The following USP9X variants were observed in gnomAD, a reference collection of about 807,000 sequenced individuals.
USP9X encodes ubiquitin specific peptidase 9 X-linked.
In USP9X, 7 loss-of-function variants were observed where a neutral mutation model predicts 190.3. The observed-to-expected ratio is 0.04, with a 90% CI of 0.02 to 0.07. USP9X has a LOEUF of 0.07. Among genes scored for constraint, USP9X ranks in the 10% least tolerant of loss-of-function variants. The probability of loss-of-function intolerance (pLI) is 1.00; values close to 1 mark genes in which losing one functional copy is unlikely to be tolerated. For missense variants in USP9X, 1,010 were observed against 1,916.9 expected, an observed-to-expected ratio of 0.53 and a Z score of 8.83; for synonymous variants, 645 against 659.5, an observed-to-expected ratio of 0.98 and a Z score of 0.34.
chrX:41,133,622 G>A (rs934917495), intron 4 of USP9X, among the ~76,000 whole-genome samples: 7 of 111,628 alleles, frequency 6.3e-5, no homozygotes, highest in African/African-American at 2.3e-4. Context: ...TAACCATCCC[G>A]CTATTCTTTA....
At chrX:41,124,419 G>A (rs904223128) in intron 2 of USP9X, among the ~76,000 whole-genome samples, 2 of 111,721 alleles carry the variant, frequency 1.8e-5, no homozygotes, top group African/African-American at 6.5e-5. Context: ...ACTCCAGCCT[G>A]GGTGACAGAG....
intron 14 of USP9X, among the ~76,000 whole-genome samples, chrX:41,159,965 A>G (rs754953864): frequency 8.4e-4 from 94 of 111,375 alleles, no homozygotes; most frequent in African/African-American, 3.0e-3. Context: ...TACTAAAAAA[A>G]TTGAATTGTA....
chrX:41,154,245 G>A (rs750301259), intron 14 of USP9X, among the ~76,000 whole-genome samples: 18 of 111,350 alleles, frequency 1.6e-4, no homozygotes, highest in African/African-American at 4.9e-4. Flanking sequence ...TCTAAGCAGT[G>A]TAATAGAATG....
intron 21 of USP9X, among the ~76,000 whole-genome samples, chrX:41,174,713 G>A (rs182029851): frequency 1.3e-3 from 148 of 111,636 alleles, no homozygotes; most frequent in African/African-American, 4.7e-3. Flanking sequence ...AAGTATTTTG[G>A]GCCAGGCACA....
chrX:41,145,048 A>G (rs2062453245), intron 11 of USP9X, among the ~76,000 whole-genome samples: 1 of 111,852 alleles, frequency 8.9e-6, no homozygotes, highest in Non-Finnish European at 1.9e-5. Context: ...CTACAGTCAT[A>G]TCTGCATTGA....
At chrX:41,169,507 T>C (rs1393956187) in intron 18 of USP9X, among the ~76,000 whole-genome samples, 2 of 111,140 alleles carry the variant, frequency 1.8e-5, no homozygotes, top group Non-Finnish European at 3.8e-5. Flanking sequence ...CAGGCTGGAG[T>C]GCAGTGGTGC....
intron 32 of USP9X, among the ~76,000 whole-genome samples, chrX:41,207,925 G>T (rs1238188464): frequency 1.8e-5 from 2 of 110,524 alleles, no homozygotes; most frequent in African/African-American, 3.3e-5. Flanking sequence ...GACTATTTCA[G>T]TTCTGTCTTC....
At chrX:41,175,186 C>G (rs965203596) in intron 21 of USP9X, among the ~76,000 whole-genome samples, 1 of 111,053 alleles carries the variant, frequency 9.0e-6, no homozygotes, top group African/African-American at 3.3e-5. Context: ...TTAATATGTT[C>G]CCATTATTCT....
chrX:41,147,453 T>G (rs866256312), intron 11 of USP9X, among the ~76,000 whole-genome samples: 8 of 68,807 alleles, frequency 1.2e-4, no homozygotes, highest in Admixed American at 8.8e-4. Flanking sequence ...AATCGTTGTT[T>G]TTTTTTTTTT....
chrX:41,161,180 G>A (rs2062626136), intron 14 of USP9X, among the ~76,000 whole-genome samples: 1 of 110,680 alleles, frequency 9.0e-6, no homozygotes, highest in Non-Finnish European at 1.9e-5. Context: ...AAGGGTAAAA[G>A]GACATATGTC....
At chrX:41,221,259 C>T (rs2147257884) in intron 38 of USP9X, among the ~76,000 whole-genome samples, 1 of 111,434 alleles carries the variant, frequency 9.0e-6, no homozygotes, top group East Asian at 2.8e-4. Context: ...GAGACTCCAT[C>T]TTAAAAAAAA....
In USP9X at chrX:41,189,315, G is replaced by A; in HGVS notation, c.3817G>A (p.Ala1273Thr). ...CTTGATTGTAATTTTACAGACCAAT[G>A]CAGGCAATGAGCCAGACTTGGAAGA... The part of the protein sequence containing the change: ...EITKIYEKTN[A>T]GNEPDLEDEQ... The change falls in exon 26 of 45, where the codon GCA becomes ACA. Residue 1273 changes from alanine (A) to threonine (T), a missense_variant. By Grantham distance (58) the Ala-to-Thr change is moderately conservative. This residue lies in a region of USP9X where 351 missense variants were observed against 480.8 expected (regional missense o/e 0.73). Transcript: ENST00000378308. 2 of 1,207,738 alleles carry A rather than the reference G, an allele frequency of 1.7e-6. No individual in the cohort carries two copies. The highest frequency in any genetic ancestry group is 2.2e-6 in the Non-Finnish European group (2 of 893,558).
At chrX:41,208,170 G>A (rs1339684166) in intron 32 of USP9X, among the ~76,000 whole-genome samples, 8 of 109,263 alleles carry the variant, frequency 7.3e-5, no homozygotes, top group East Asian at 2.9e-4. Context: ...GATTACAGGC[G>A]CCTGCCACCA....
intron 12 of USP9X, 109 bp from the exon 13 acceptor site, chrX:41,150,812 A>G: frequency 1.3e-6 from 1 of 778,900 alleles, no homozygotes. Context: ...TGATGCTTGT[A>G]TTGCTAATCT....
chrX:41,183,819 TGTTTA>T (rs1439226770), intron 21 of USP9X, among the ~76,000 whole-genome samples, 174 bp from the exon 22 acceptor site: 1 of 105,229 alleles, frequency 9.5e-6, no homozygotes, highest in Non-Finnish European at 1.9e-5. Context: ...TTTTTGTTTT[TGTTTA>T]TTTTTTTTTT....
rs765442034 is a variant in USP9X, at chrX:41,130,478, T to G, written c.243-979T>G. Among the ~76,000 whole-genome samples, 7 of 99,229 alleles carry G rather than the reference T, an allele frequency of 7.1e-5. No homozygotes were observed. In the South Asian group the frequency reaches 1.3e-3, roughly 19 times the overall value. The allele number at this position is 99,229 out of a possible 115,157, so 86.2% of individuals were successfully genotyped here. A position where few individuals can be genotyped will look rare whatever the true frequency, so the allele number is the denominator to read the frequency against. On this transcript the variant is annotated intron_variant, in intron 3 of 44. Transcript: ENST00000378308. ...GATTTTTTTTTTCTTTTTTTCTTTT[T>G]TTTTTTGTTTTTTGTTTTTTGTTTT... is the stretch of plus-strand genomic sequence containing the variant.
intron 1 of USP9X, among the ~76,000 whole-genome samples, chrX:41,103,968 T>C (rs1449383542): frequency 1.8e-5 from 2 of 112,095 alleles, no homozygotes; most frequent in Admixed American, 9.5e-5. Context: ...ATCTCATTAC[T>C]AGTTTAATTT....
intron 4 of USP9X, among the ~76,000 whole-genome samples, chrX:41,133,943 G>A (rs1443945015): frequency 1.8e-5 from 2 of 111,573 alleles, no homozygotes; most frequent in African/African-American, 6.5e-5. Flanking sequence ...CTTTCTTTTG[G>A]GCATATCAGC....
intron 11 of USP9X, among the ~76,000 whole-genome samples, chrX:41,144,934 A>G (rs1299728982): frequency 1.8e-5 from 2 of 111,598 alleles, no homozygotes; most frequent in African/African-American, 6.5e-5. Context: ...AAACAGTAAG[A>G]TGAAAGCAAG....
Sources: gnomAD v4.1 joint callset for allele counts (sites outside exome capture counted in the v4.1 genomes callset) on GRCh38, gnomAD v4.1.1 for gene constraint, gnomAD v4.1.1 regional missense constraint, MANE v1.5 for transcripts, NCBI Gene and HGNC (gene_info 2026-07-23, HGNC 2026-07-21) for gene names.